The following TADA1 variants were observed in gnomAD, a reference collection of about 807,000 sequenced individuals.
TADA1 encodes the protein transcriptional adaptor 1, also known as transcriptional adapter 1.
Under a neutral mutation model 39.3 loss-of-function variants are expected in TADA1, and 23 were observed. That is an observed-to-expected ratio of 0.58 (90% CI 0.42 to 0.83). The LOEUF (loss-of-function observed/expected upper bound fraction) is 0.83. Ranked by LOEUF, TADA1 falls within the 40% of genes least tolerant of loss-of-function variation. The pLI, the probability that TADA1 is intolerant of heterozygous loss-of-function variation, is 0.00. For synonymous variants in TADA1, 137 were observed against 151.8 expected, an observed-to-expected ratio of 0.90 and a Z score of 0.72; for missense variants, 352 against 408.1, an observed-to-expected ratio of 0.86 and a Z score of 1.18.
chr1:166,869,836 C>T lies in TADA1; in HGVS notation c.93G>A (p.Lys31=). 2 of 1,613,976 alleles carry T rather than the reference C, an allele frequency of 1.2e-6. No homozygotes were observed. Among genetic ancestry groups the T allele is most frequent in the Non-Finnish European group, 1.7e-6 (2 of 1,179,998 alleles). The change falls in exon 2 of 8, where the codon AAG becomes AAA. Residue 31 remains lysine, a synonymous_variant. Coordinates refer to ENST00000367874, the MANE Select transcript of TADA1 (RefSeq NM_053053.4). The part of the protein sequence containing the change: ...DNVKQYWANL[K]LWFKQKISKE... ...TGCTGATCTTCTGCTTGAACCACAGCTTTAGGTTAGCCCAGTATCTGCAGA... is the reference window on the plus strand; with the variant it reads ...TGCTGATCTTCTGCTTGAACCACAGTTTTAGGTTAGCCCAGTATCTGCAGA...
At chr1:166,862,053 T>C in intron 5 of TADA1, 150 bp downstream of exon 5, 1 of 798,688 alleles carries the variant, frequency 1.3e-6, no homozygotes, top group East Asian at 2.7e-5. Context: ...AGTGATGCTG[T>C]CTCAAAAAAA....
intron 5 of TADA1, among the ~76,000 whole-genome samples, chr1:166,861,763 A>G (rs1658421045): frequency 6.6e-6 from 1 of 152,200 alleles, no homozygotes; most frequent in Non-Finnish European, 1.5e-5. Flanking sequence ...TTAAAAGAAA[A>G]CAACTTTTAG....
In TADA1 at chr1:166,857,516, T is replaced by C; in HGVS notation, c.*51A>G. On this transcript the variant is annotated 3_prime_UTR_variant, in exon 8 of 8. Transcript: ENST00000367874. ...AAATGTGGACCCAAAAAACATTCAA[T>C]TTTCAGTAATCAATGAATTCGGTGA... 1 of 1,601,918 alleles carries C rather than the reference T, an allele frequency of 6.2e-7. No individual in the cohort carries two copies. Among genetic ancestry groups the C allele is most frequent in the Non-Finnish European group, 8.5e-7 (1 of 1,173,980 alleles).
intron 6 of TADA1, among the ~76,000 whole-genome samples, chr1:166,859,259 C>T (rs1369713655): frequency 6.6e-6 from 1 of 152,162 alleles, no homozygotes; most frequent in African/African-American, 2.4e-5. Flanking sequence ...TTCCCACCTA[C>T]ACCTCCTGCC....
At chr1:166,861,621 C>T (rs962677302) in intron 5 of TADA1, among the ~76,000 whole-genome samples, 4 of 152,222 alleles carry the variant, frequency 2.6e-5, no homozygotes, top group African/African-American at 9.7e-5. Context: ...AATTTCATTT[C>T]TTTCCTTAAA....
chr1:166,863,921 T>C lies in TADA1; in HGVS notation c.233A>G (p.Asp78Gly), dbSNP rs1454015969. ...TGGCCAAGGCAAAGATCCAGCACCATCTAGGAGACAGAAATATATAACCAT... is the reference window on the plus strand; with the variant it reads ...TGGCCAAGGCAAAGATCCAGCACCACCTAGGAGACAGAAATATATAACCAT... The part of the protein sequence containing the change: ...TRCQILVSTP[D>G]GAGSLPWPGG... Residue 78 changes from aspartate (D) to glycine (G), a missense_variant and splice_region_variant, in exon 4 of 8, where the codon GAT becomes GGT. This residue lies in a region of TADA1 where 36 missense variants were observed against 72.0 expected (regional missense o/e 0.50). Transcript: ENST00000367874. The C allele has an allele frequency of 1.3e-6, 2 of 1,594,962 alleles. No homozygotes were observed. The highest frequency in any genetic ancestry group is 1.7e-6 in the Non-Finnish European group (2 of 1,175,254).
chr1:166,865,972 T>C (rs1313193860), intron 3 of TADA1, among the ~76,000 whole-genome samples: 1 of 152,106 alleles, frequency 6.6e-6, no homozygotes, highest in African/African-American at 2.4e-5. Flanking sequence ...TAAAAAGAAC[T>C]GTTTGGGAAG....
chr1:166,858,319 G>A, intron 6 of TADA1, 38 bp from the exon 7 acceptor site: 2 of 1,479,074 alleles, frequency 1.4e-6, no homozygotes, highest in Non-Finnish European at 1.8e-6. Flanking sequence ...CCAGCACAGA[G>A]ACAACTGAGC....
chr1:166,874,810 G>A (rs1158872266), intron 1 of TADA1, among the ~76,000 whole-genome samples: 1 of 152,154 alleles, frequency 6.6e-6, no homozygotes, highest in Non-Finnish European at 1.5e-5. Flanking sequence ...ATATCTCTGG[G>A]CGTAAATAAA....
In TADA1 at chr1:166,869,468, C is replaced by G; in HGVS notation, c.209G>C (p.Cys70Ser). 1 of 1,613,716 alleles carries G rather than the reference C, an allele frequency of 6.2e-7. No individual in the cohort carries two copies. The highest frequency in any genetic ancestry group is 8.5e-7 in the Non-Finnish European group (1 of 1,179,738). Residue 70 changes from cysteine (C) to serine (S), a missense_variant, in exon 3 of 8, where the codon TGT becomes TCT. Transcript: ENST00000367874. ...ACCTGGTGTAGAAACCAAAATCTGA[C>G]AACGCGTGAGAATGGCCAGGAGGAA... The part of the protein sequence containing the change: ...NDFLLAILTR[C>S]QILVSTPDGA...
chr1:166,874,905 T>A (rs933906301), intron 1 of TADA1, among the ~76,000 whole-genome samples: 11 of 152,372 alleles, frequency 7.2e-5, no homozygotes, highest in African/African-American at 2.6e-4. Context: ...TATTATCTTG[T>A]TAGGATGAAA....
chr1:166,856,559 C>A lies in TADA1; in HGVS notation c.*1008G>T, dbSNP rs1292665601. 7.0e-6 allele frequency: 1 copy of A among 143,058 alleles called. No homozygotes were observed. The highest frequency in any genetic ancestry group is 2.6e-5 in the African/African-American group (1 of 39,194). The allele number at this position is 143,058 out of a possible 1,614,324, so 8.9% of individuals were successfully genotyped here. A position where few individuals can be genotyped will look rare whatever the true frequency, so the allele number is the denominator to read the frequency against. On this transcript the variant is annotated 3_prime_UTR_variant, in exon 8 of 8. Transcript: ENST00000367874. The stretch of plus-strand genomic sequence containing the variant: ...CACATTTAAAGTACAAAATCAAATA[C>A]ACAGATCCAGATATGTGAACCATAT...
chr1:166,876,137 C>T, intron 1 of TADA1, 23 bp downstream of exon 1: 1 of 1,604,074 alleles, frequency 6.2e-7, no homozygotes, highest in Non-Finnish European at 8.5e-7. Flanking sequence ...TTGGCCTGGA[C>T]GCTGTGCTAG....
chr1:166,860,968 T>TA lies in TADA1; in HGVS notation c.541-632dup, dbSNP rs1395926410. 7.9e-5 allele frequency among the ~76,000 whole-genome samples: 12 copies of TA among 152,170 alleles called. No individual in the cohort carries two copies. In the East Asian group the frequency reaches 1.2e-3, roughly 15 times the overall value. ...ACAGGCATGAGCAAAAATGACTTTT[T>TA]AAAAAGAGACAAACTATGCTGAAAC... On this transcript the variant is annotated intron_variant, in intron 5 of 7. Transcript: ENST00000367874.
intron 1 of TADA1, among the ~76,000 whole-genome samples, chr1:166,871,713 C>T (rs1172188492): frequency 2.6e-5 from 4 of 152,094 alleles, no homozygotes; most frequent in Admixed American, 2.6e-4. Flanking sequence ...TCAACAGTAA[C>T]TTTCCAACAG....
chr1:166,866,892 C>A (rs1268292383), intron 3 of TADA1, among the ~76,000 whole-genome samples: 8 of 152,020 alleles, frequency 5.3e-5, no homozygotes, highest in African/African-American at 1.7e-4. Flanking sequence ...TTACAGGTGC[C>A]TACCACCATG....
At position 166,856,855 on chromosome 1, in the gene TADA1, CCAAT is replaced by C. The variant is rs1156965470; in HGVS notation, c.*708_*711del. 8 of 152,398 alleles carry C rather than the reference CCAAT, an allele frequency of 5.2e-5. No individual in the cohort carries two copies. The allele number at this position is 152,398 out of a possible 1,614,324, so 9.4% of individuals were successfully genotyped here. On this transcript the variant is annotated 3_prime_UTR_variant, in exon 8 of 8. Transcript: ENST00000367874. ...TAGGAATAATTAACCGAAGAAACTG[CCAAT>C]CAAAGTTTTTGGGCATATTTAACAA...
In TADA1 at chr1:166,862,101, C is replaced by G. The variant is rs1461751575; in HGVS notation, c.540+102G>C. Reference sequence around the variant, plus strand: ...TTCAACAATGACAATTCTGTGAAATCAGAGTGACATTTGGATTCTTTTCTT... The same window carrying G: ...TTCAACAATGACAATTCTGTGAAATGAGAGTGACATTTGGATTCTTTTCTT... On this transcript the variant is annotated intron_variant, in intron 5 of 7. Coordinates refer to ENST00000367874, the MANE Select transcript of TADA1 (RefSeq NM_053053.4). 3 of 1,134,228 alleles carry G rather than the reference C, an allele frequency of 2.6e-6. No individual in the cohort carries two copies. In the Admixed American group the frequency reaches 6.2e-5, roughly 23 times the overall value. 70.3% of individuals were successfully genotyped at this position (1,134,228 alleles called of 1,614,324 possible).
At chr1:166,861,268 T>C (rs1350004654) in intron 5 of TADA1, among the ~76,000 whole-genome samples, 2 of 152,212 alleles carry the variant, frequency 1.3e-5, no homozygotes, top group Non-Finnish European at 2.9e-5. Flanking sequence ...GTTTCAATTA[T>C]ACCAAGGAAA....
Sources: allele counts gnomAD v4.1 joint callset (sites outside exome capture counted in the v4.1 genomes callset), GRCh38; gene constraint gnomAD v4.1.1; regional missense constraint gnomAD v4.1.1; transcripts MANE v1.5; gene names NCBI Gene and HGNC (gene_info 2026-07-23, HGNC 2026-07-21).